The following POFUT3 variants were observed in gnomAD, a reference collection of about 807,000 sequenced individuals.
POFUT3 encodes the protein protein O-fucosyltransferase 3.
At chr8:33,340,780 A>G in the POFUT3 span, among the ~76,000 whole-genome samples, 1 of 152,214 alleles carries the variant, frequency 6.6e-6, no homozygotes, top group Non-Finnish European at 1.5e-5. Flanking sequence ...ACAGAGCTAC[A>G]AAACATATGA....
chr8:33,320,644 C>T, the POFUT3 span, among the ~76,000 whole-genome samples: 1 of 152,102 alleles, frequency 6.6e-6, no homozygotes, highest in East Asian at 1.9e-4. Flanking sequence ...TGAAGCTTAA[C>T]TGGGCTGAAC....
At chr8:33,395,777 C>T in the POFUT3 span, among the ~76,000 whole-genome samples, 2 of 152,244 alleles carry the variant, frequency 1.3e-5, no homozygotes, top group Non-Finnish European at 2.9e-5. Flanking sequence ...TAGACACTGC[C>T]GTGGGCTGGT....
At chr8:33,343,352 T>A in the POFUT3 span, among the ~76,000 whole-genome samples, 1 of 152,122 alleles carries the variant, frequency 6.6e-6, no homozygotes. Flanking sequence ...GCTGAGAAGG[T>A]TTCTAAGGCC....
the POFUT3 span, among the ~76,000 whole-genome samples, chr8:33,368,680 G>A: frequency 6.6e-6 from 1 of 152,128 alleles, no homozygotes; most frequent in Admixed American, 6.6e-5. Context: ...TCAGAATTGG[G>A]AAATGGAAAG....
At chr8:33,372,487 C>T in the POFUT3 span, 1 of 1,485,120 alleles carries the variant, frequency 6.7e-7, no homozygotes, top group Non-Finnish European at 8.9e-7. Flanking sequence ...GGATAGTCAA[C>T]AGAATAGCTA....
At chr8:33,328,198 G>A in the POFUT3 span, among the ~76,000 whole-genome samples, 1 of 152,216 alleles carries the variant, frequency 6.6e-6, no homozygotes, top group East Asian at 1.9e-4. Context: ...CCGAGGAGGG[G>A]TGACTCCTAC....
the POFUT3 span, among the ~76,000 whole-genome samples, chr8:33,363,623 C>T: frequency 6.6e-6 from 1 of 152,182 alleles, no homozygotes; most frequent in African/African-American, 2.4e-5. Context: ...CAACTACCAT[C>T]AGAGAATACT....
the POFUT3 span, among the ~76,000 whole-genome samples, chr8:33,323,610 A>G: frequency 6.6e-6 from 1 of 152,142 alleles, no homozygotes; most frequent in African/African-American, 2.4e-5. Flanking sequence ...CATGTGGTGG[A>G]AGGTTTCACT....
At chr8:33,354,056 A>G in the POFUT3 span, among the ~76,000 whole-genome samples, 1 of 151,988 alleles carries the variant, frequency 6.6e-6, no homozygotes, top group Non-Finnish European at 1.5e-5. Context: ...GTTACTTGTT[A>G]TTGTCATCCC....
the POFUT3 span, among the ~76,000 whole-genome samples, chr8:33,449,113 C>A: frequency 6.6e-6 from 1 of 151,898 alleles, no homozygotes; most frequent in Non-Finnish European, 1.5e-5. Flanking sequence ...CCATAGCTGC[C>A]TTATTTATCT....
the POFUT3 span, among the ~76,000 whole-genome samples, chr8:33,466,217 G>C: frequency 2.6e-5 from 4 of 151,984 alleles, no homozygotes; most frequent in African/African-American, 9.7e-5. Flanking sequence ...AGGGGTTCAA[G>C]ACTAGCCTGG....
the POFUT3 span, among the ~76,000 whole-genome samples, chr8:33,366,814 A>C: frequency 1.3e-5 from 2 of 152,218 alleles, no homozygotes; most frequent in Non-Finnish European, 2.9e-5. Context: ...GATTTTTTTA[A>C]GTAAAAATAG....
chr8:33,443,370 C>A, the POFUT3 span, among the ~76,000 whole-genome samples: 5 of 152,164 alleles, frequency 3.3e-5, no homozygotes, highest in African/African-American at 1.2e-4. Context: ...CTGCTTCATC[C>A]CTACTCCCGA....
the POFUT3 span, among the ~76,000 whole-genome samples, chr8:33,375,903 G>C: frequency 6.6e-6 from 1 of 151,894 alleles, no homozygotes; most frequent in Admixed American, 6.6e-5. Context: ...TGTAATCCCA[G>C]CTACTCAGGA....
At chr8:33,391,095 G>A in the POFUT3 span, among the ~76,000 whole-genome samples, 10 of 152,044 alleles carry the variant, frequency 6.6e-5, no homozygotes, top group South Asian at 4.1e-4. Context: ...AGAAAATACC[G>A]AATATATATT....
chr8:33,449,644 T>C, the POFUT3 span, among the ~76,000 whole-genome samples: 1 of 151,986 alleles, frequency 6.6e-6, no homozygotes, highest in East Asian at 1.9e-4. Flanking sequence ...CTCAACACCA[T>C]CCTATGATGT....
chr8:33,309,376 T>TG, the POFUT3 span, among the ~76,000 whole-genome samples: 57,621 of 146,130 alleles, frequency 0.39, 12,561 homozygotes, highest in East Asian at 0.79. Context: ...TGTGTGTGTG[T>TG]TTTTCTCCCC....
At chr8:33,448,865 C>T in the POFUT3 span, among the ~76,000 whole-genome samples, 5 of 151,488 alleles carry the variant, frequency 3.3e-5, no homozygotes, top group Admixed American at 2.0e-4. Context: ...ATCTGGGAGG[C>T]GGAGGTTTCA....
chr8:33,357,148 G>A, the POFUT3 span, among the ~76,000 whole-genome samples: 2 of 152,128 alleles, frequency 1.3e-5, no homozygotes, highest in Admixed American at 6.5e-5. Flanking sequence ...TTGACTTGGT[G>A]ATGCAGGCTC....
Sources: gnomAD v4.1 joint callset for allele counts (sites outside exome capture counted in the v4.1 genomes callset) on GRCh38, gnomAD v4.1.1 for gene constraint, MANE v1.5 for transcripts, NCBI Gene and HGNC (gene_info 2026-07-23, HGNC 2026-07-21) for gene names.